MICAL2: variants seen among roughly 807,000 people sequenced by gnomAD.
MICAL2 encodes the protein microtubule associated monooxygenase, calponin and LIM domain containing 2, also known as [F-actin]-monooxygenase MICAL2.
MICAL2 carries 77 observed loss-of-function variants against 127.3 expected under a neutral mutation model. The ratio of observed to expected loss-of-function variants is 0.60; its 90% confidence interval spans 0.50 to 0.73. The LOEUF (loss-of-function observed/expected upper bound fraction) is 0.73. Ranked by LOEUF, MICAL2 falls within the 30% of genes least tolerant of loss-of-function variation. The pLI is 0.00. For missense variants in MICAL2, 1,351 were observed against 1,434.4 expected (o/e 0.94, Z 0.94); for synonymous variants, 570 against 551.1 (o/e 1.03, Z -0.48).
At chr11:12,323,880 A>G (rs1590737744) in intron 30 of MICAL2, 2 of 1,318,546 alleles carry the variant, frequency 1.5e-6, no homozygotes. Flanking sequence ...AGTGGCTGGG[A>G]ATCATTAGTT....
At chr11:12,322,438 T>G (rs1864309455) in intron 30 of MICAL2, among the ~76,000 whole-genome samples, 1 of 152,192 alleles carries the variant, frequency 6.6e-6, no homozygotes, top group Admixed American at 6.5e-5. Context: ...TGACATGATA[T>G]GGAATAAGTT....
rs535201456 is a variant in MICAL2 at position 12,269,485 on chromosome 11, G to A, written c.3335-6501G>A. ...ATACTCTGGAGCCTGCAGAGCTGTT[G>A]GGAAGATACAGCGTGTGCCCCCACC... On this transcript the variant is annotated intron_variant, in intron 24 of 34. Coordinates refer to the MICAL2 transcript ENST00000646065. Among the ~76,000 whole-genome samples, 265 of 152,324 alleles carry A rather than the reference G, an allele frequency of 1.7e-3. 3 individuals are homozygous for A. Among genetic ancestry groups the A allele is most frequent in the African/African-American group, 6.2e-3 (258 of 41,572 alleles).
intron 2 of MICAL2, among the ~76,000 whole-genome samples, chr11:12,149,707 C>T (rs1222808164): frequency 6.6e-6 from 1 of 152,150 alleles, no homozygotes; most frequent in African/African-American, 2.4e-5. Context: ...GGAGAAGGAA[C>T]AGGTGGGGTT....
At chr11:12,194,870 T>TCAA (rs1565138214) in intron 3 of MICAL2, among the ~76,000 whole-genome samples, 2 of 152,224 alleles carry the variant, frequency 1.3e-5, no homozygotes, top group African/African-American at 2.4e-5. Flanking sequence ...TATTGTAATT[T>TCAA]TTCACATCAA....
At position 12,220,231 on chromosome 11, in the gene MICAL2, G is replaced by A. The variant is rs755953007; in HGVS notation, c.979G>A (p.Ala327Thr). Residue 327 changes from alanine (A) to threonine (T), a missense_variant, in exon 9 of 28, where the codon GCG becomes ACG. Ala to Thr is a moderately conservative substitution (Grantham distance 58). This residue lies in a region of MICAL2 where 599 missense variants were observed against 714.9 expected (regional missense o/e 0.84). Coordinates refer to ENST00000683283, the MANE Select transcript of MICAL2 (RefSeq NM_001282663.2). ...CATCGACACAGAGATGCTGCTGTGT[G>A]CGGAGAACGTGAACCAAGACAACCT... is the stretch of plus-strand genomic sequence containing the variant. Reference protein sequence around the residue: ...DYIDTEMLLCAENVNQDNLLS... With the variant: ...DYIDTEMLLCTENVNQDNLLS... 2.5e-6 allele frequency: 4 copies of A among 1,614,074 alleles called. No individual in the cohort carries two copies. The highest frequency in any genetic ancestry group is 1.3e-5 in the African/African-American group (1 of 74,926).
intron 32 of MICAL2, among the ~76,000 whole-genome samples, chr11:12,346,242 AG>A (rs1050806476): frequency 2.6e-5 from 4 of 152,146 alleles, no homozygotes; most frequent in African/African-American, 9.7e-5. Flanking sequence ...ATGACCCCGG[AG>A]GGTTCTTCTA....
At chr11:12,185,158 T>TGGGGGGATGGGGG (rs2133977442) in intron 3 of MICAL2, among the ~76,000 whole-genome samples, 1 of 41,720 alleles carries the variant, frequency 2.4e-5, no homozygotes. Context: ...GGTGGGTGTG[T>TGGGGGGATGGGGG]GGATGAATGG....
chr11:12,292,098 A>G, downstream of MICAL2: 1 of 1,574,900 alleles, frequency 6.3e-7, no homozygotes, highest in South Asian at 1.2e-5. Context: ...TTCTTGATAA[A>G]ATAATAACAC....
intron 2 of MICAL2, among the ~76,000 whole-genome samples, chr11:12,153,066 A>G (rs1407105833): frequency 6.6e-6 from 1 of 151,758 alleles, no homozygotes; most frequent in Non-Finnish European, 1.5e-5. Context: ...CTCTTGTTCT[A>G]GTCACCCAGG....
At chr11:12,180,942 T>C (rs1857394591) in intron 3 of MICAL2, among the ~76,000 whole-genome samples, 1 of 101,582 alleles carries the variant, frequency 9.8e-6, no homozygotes. Context: ...TTTTTTTTTT[T>C]TTTGAGATGG....
At chr11:12,319,475 C>T (rs971713922) in intron 29 of MICAL2, among the ~76,000 whole-genome samples, 1 of 149,660 alleles carries the variant, frequency 6.7e-6, no homozygotes, top group African/African-American at 2.5e-5. Flanking sequence ...GAAAAGAGAG[C>T]TGCAAAGCTC....
chr11:12,156,582 C>T (rs1177527496), intron 2 of MICAL2, among the ~76,000 whole-genome samples: 1 of 152,142 alleles, frequency 6.6e-6, no homozygotes, highest in Admixed American at 6.5e-5. Context: ...CTCTCAGTCC[C>T]TTCCCTACCC....
At chr11:12,227,001 C>G (rs993561632) in intron 14 of MICAL2, 24 bp from the exon 15 acceptor site, 1 of 1,579,556 alleles carries the variant, frequency 6.3e-7, no homozygotes, top group Non-Finnish European at 8.7e-7. Context: ...TTCCAAATCA[C>G]AGTTGCGCTT....
In MICAL2 at chr11:12,179,995, C is replaced by T. The variant is rs1271601442; in HGVS notation, c.264+17576C>T. Among the ~76,000 whole-genome samples, 5 of 152,310 alleles carry T rather than the reference C, an allele frequency of 3.3e-5. No homozygotes were observed. In the South Asian group the frequency reaches 8.3e-4, roughly 25 times the overall value. On this transcript the variant is annotated intron_variant, in intron 3 of 27. Transcript: ENST00000683283. ...CAGCTCTGTTTCGTCTTCTGTTCTC[C>T]ACCAAATTTCTGGGGAAAGTAACTC...
chr11:12,268,548 C>T (rs1047918656), downstream of MICAL2, among the ~76,000 whole-genome samples: 15 of 152,292 alleles, frequency 9.8e-5, no homozygotes, highest in South Asian at 2.1e-4. Flanking sequence ...CTGGAGGGTG[C>T]GGCCCCCATG....
intron 30 of MICAL2, among the ~76,000 whole-genome samples, chr11:12,322,070 T>C (rs7934505): frequency 0.62 from 93,635 of 151,810 alleles, 29,845 homozygotes; most frequent in Middle Eastern, 0.72. Flanking sequence ...TAATTTCCTC[T>C]CTGAGTTTTT....
intron 3 of MICAL2, among the ~76,000 whole-genome samples, chr11:12,196,660 A>G (rs1046203530): frequency 1.3e-5 from 2 of 152,276 alleles, no homozygotes; most frequent in East Asian, 1.9e-4. Flanking sequence ...TCTTCTTACC[A>G]TCTTTGTTAT....
In MICAL2 at chr11:12,335,280, A is replaced by G; in HGVS notation, c.5515+8014A>G. 1.3e-5 allele frequency among the ~76,000 whole-genome samples: 2 copies of G among 151,676 alleles called. 1 individual carries two copies. Among genetic ancestry groups the G allele is most frequent in the Middle Eastern group, 6.3e-3 (2 of 316 alleles). On this transcript the variant is annotated intron_variant, in intron 32 of 34. Transcript: ENST00000646065. ...TGAGAAGTGTCTCTTCATATCCTTCACCCACTTTTTGATGGGATTGTTTGT... is the reference window on the plus strand; with the variant it reads ...TGAGAAGTGTCTCTTCATATCCTTCGCCCACTTTTTGATGGGATTGTTTGT...
chr11:12,294,795 C>A, downstream of MICAL2: 2 of 1,599,670 alleles, frequency 1.3e-6, no homozygotes, highest in South Asian at 1.1e-5. Context: ...CTGCGCCAGG[C>A]AGCTCCTCCT....
Sources: gnomAD v4.1 joint callset for allele counts (sites outside exome capture counted in the v4.1 genomes callset) on GRCh38, gnomAD v4.1.1 for gene constraint, gnomAD v4.1.1 regional missense constraint, MANE v1.5 for transcripts, NCBI Gene and HGNC (gene_info 2026-07-23, HGNC 2026-07-21) for gene names.